Variants in DZIP3 observed in about 807,000 individuals in gnomAD.
The protein encoded by DZIP3 is E3 ubiquitin-protein ligase DZIP3.
Under a neutral mutation model 162.0 loss-of-function variants are expected in DZIP3, and 118 were observed. That is an observed-to-expected ratio of 0.73 (90% CI 0.63 to 0.85). The LOEUF (loss-of-function observed/expected upper bound fraction) is 0.85. Among genes scored for constraint, DZIP3 ranks in the 40% least tolerant of loss-of-function variants. DZIP3 has a pLI of 0.00. For synonymous variants in DZIP3, 438 were observed against 458.6 expected (o/e 0.96, Z 0.57); for missense variants, 1,331 against 1,407.0 (o/e 0.95, Z 0.86).
At chr3:108,636,113 T>C (rs1328379897) in intron 10 of DZIP3, among the ~76,000 whole-genome samples, 1 of 152,020 alleles carries the variant, frequency 6.6e-6, no homozygotes, top group South Asian at 2.1e-4. Flanking sequence ...GATTTACTTA[T>C]TCATTTTTAA....
intron 9 of DZIP3, 25 bp downstream of exon 9, chr3:108,633,097 AT>A: frequency 7.8e-7 from 1 of 1,285,194 alleles, no homozygotes; most frequent in Non-Finnish European, 1.0e-6. Context: ...AATTAACAGT[AT>A]TTTTAAAAAG....
At chr3:108,635,336 TA>T in intron 10 of DZIP3, 1 of 285,358 alleles carries the variant, frequency 3.5e-6, no homozygotes, top group Non-Finnish European at 6.9e-6. Context: ...AATTTCTTAG[TA>T]AAAACACAGA....
chr3:108,606,136 A>C (rs1940356349), intron 2 of DZIP3, among the ~76,000 whole-genome samples: 1 of 152,220 alleles, frequency 6.6e-6, no homozygotes, highest in South Asian at 2.1e-4. Flanking sequence ...CATAAACCTC[A>C]TAACAACTCT....
chr3:108,591,713 G>A (rs1321148433), intron 1 of DZIP3, among the ~76,000 whole-genome samples: 1 of 152,186 alleles, frequency 6.6e-6, no homozygotes, highest in Non-Finnish European at 1.5e-5. Context: ...AAAAGGAGCA[G>A]GAGGCCAGGA....
At chr3:108,655,936 G>A (rs1027377918) in intron 19 of DZIP3, among the ~76,000 whole-genome samples, 17 of 152,186 alleles carry the variant, frequency 1.1e-4, no homozygotes, top group African/African-American at 4.1e-4. Context: ...TGGTGGCAGC[G>A]AGGCTAGGGG....
At chr3:108,675,719 A>C in intron 24 of DZIP3, 67 bp from the exon 25 acceptor site, 1 of 1,383,202 alleles carries the variant, frequency 7.2e-7, no homozygotes, top group Non-Finnish European at 9.9e-7. Flanking sequence ...AGCGTGATAG[A>C]CATGTTTGGA....
intron 26 of DZIP3, among the ~76,000 whole-genome samples, chr3:108,678,489 C>G (rs564200564): frequency 6.6e-5 from 10 of 152,086 alleles, no homozygotes; most frequent in African/African-American, 2.2e-4. Flanking sequence ...CTCTGCATTT[C>G]TACTTTAGAC....
chr3:108,650,679 C>A (rs994241702), intron 17 of DZIP3, among the ~76,000 whole-genome samples: 3 of 151,328 alleles, frequency 2.0e-5, no homozygotes, highest in Non-Finnish European at 4.4e-5. Context: ...TCTGACTTCT[C>A]CTTATATATA....
intron 3 of DZIP3, 91 bp from the exon 4 acceptor site, chr3:108,611,083 G>T (rs1940678749): frequency 3.9e-6 from 5 of 1,274,084 alleles, no homozygotes; most frequent in African/African-American, 1.5e-5. Context: ...AATGAGCTTT[G>T]TTCCTTTTTT....
At chr3:108,648,306 T>A (rs1168749576) in intron 16 of DZIP3, 194 bp downstream of exon 16, 3 of 469,180 alleles carry the variant, frequency 6.4e-6, no homozygotes, top group African/African-American at 6.1e-5. Flanking sequence ...CCATAACCAT[T>A]TATTTTGCCA....
intron 1 of DZIP3, among the ~76,000 whole-genome samples, chr3:108,594,009 T>C (rs1229327475): frequency 6.6e-6 from 1 of 152,146 alleles, no homozygotes; most frequent in Non-Finnish European, 1.5e-5. Flanking sequence ...TATTCTGCCT[T>C]TCCTTAATTG....
At chr3:108,624,620 A>C in intron 6 of DZIP3, 96 bp downstream of exon 6, 1 of 611,622 alleles carries the variant, frequency 1.6e-6, no homozygotes, top group Non-Finnish European at 2.8e-6. Context: ...TTAAAAAAGG[A>C]AACTTAATAT....
intron 10 of DZIP3, among the ~76,000 whole-genome samples, chr3:108,635,559 A>G (rs1576393991): frequency 1.4e-5 from 2 of 147,604 alleles, no homozygotes; most frequent in Non-Finnish European, 3.0e-5. Flanking sequence ...ATAATTATAT[A>G]TAACTGTATA....
At chr3:108,684,478 T>A (rs1361448085) in intron 27 of DZIP3, 137 bp downstream of exon 27, 1 of 1,122,458 alleles carries the variant, frequency 8.9e-7, no homozygotes, top group Non-Finnish European at 1.3e-6. Context: ...GAATGAATAC[T>A]TCCTGTGAAG....
At position 108,617,152 on chromosome 3, in the gene DZIP3, T is replaced by A. The variant is rs112071164; in HGVS notation, c.375+495T>A. Reference sequence around the variant, plus strand: ...GAGATGTTGGTCAAAAGATACAAAATTTCAGTTAGATGTGAAGAATAAGTT... The same window carrying A: ...GAGATGTTGGTCAAAAGATACAAAAATTCAGTTAGATGTGAAGAATAAGTT... On this transcript the variant is annotated intron_variant, in intron 5 of 32. Coordinates refer to ENST00000361582, the MANE Select transcript of DZIP3 (RefSeq NM_014648.4). Among the ~76,000 whole-genome samples, 19 of 152,246 alleles carry A rather than the reference T, an allele frequency of 1.2e-4. 1 individual carries two copies. The highest frequency in any genetic ancestry group is 4.3e-4 in the African/African-American group (18 of 41,546).
chr3:108,606,289 T>C (rs1184210646), intron 2 of DZIP3, among the ~76,000 whole-genome samples: 3 of 152,144 alleles, frequency 2.0e-5, no homozygotes, highest in Non-Finnish European at 2.9e-5. Context: ...CACCTCTACC[T>C]CATATAATAC....
rs1940481097 is a variant in DZIP3 at position 108,608,078 on chromosome 3, A to T, written c.33-11A>T. 1.2e-6 allele frequency: 2 copies of T among 1,607,986 alleles called. No individual in the cohort carries two copies. Among genetic ancestry groups the T allele is most frequent in the East Asian group, 4.5e-5 (2 of 44,754 alleles). On this transcript the variant is annotated splice_polypyrimidine_tract_variant and intron_variant, in intron 2 of 32. Coordinates refer to ENST00000361582, the MANE Select transcript of DZIP3 (RefSeq NM_014648.4). ...GATGCTCTTAATATACCTCATTTTCATTTAAAATAGGCATCCTGCTGTGGA... is the reference window on the plus strand; with the variant it reads ...GATGCTCTTAATATACCTCATTTTCTTTTAAAATAGGCATCCTGCTGTGGA...
intron 4 of DZIP3, among the ~76,000 whole-genome samples, chr3:108,612,193 TAACTA>T (rs1450948349): frequency 6.6e-6 from 1 of 152,130 alleles, no homozygotes; most frequent in Non-Finnish European, 1.5e-5. Context: ...TTGTGGCAAT[TAACTA>T]GAGAAGAGAA....
intron 32 of DZIP3, among the ~76,000 whole-genome samples, chr3:108,691,686 A>G (rs1425507701): frequency 6.6e-6 from 1 of 152,084 alleles, no homozygotes; most frequent in African/African-American, 2.4e-5. Flanking sequence ...AGTGAGTGAG[A>G]CTTCCCTGCT....
Sources: gnomAD v4.1 joint callset for allele counts (sites outside exome capture counted in the v4.1 genomes callset) on GRCh38, gnomAD v4.1.1 for gene constraint, MANE v1.5 for transcripts, NCBI Gene and HGNC (gene_info 2026-07-23, HGNC 2026-07-21) for gene names.